HDAC4: variants seen among roughly 807,000 people sequenced by gnomAD.
HDAC4 encodes the protein histone deacetylase A.
A neutral mutation model predicts 135.1 loss-of-function variants in HDAC4; 16 were observed. That is an observed-to-expected ratio of 0.12 (90% CI 0.08 to 0.18). HDAC4 has a LOEUF of 0.18. Ranked by LOEUF, HDAC4 falls within the 10% of genes least tolerant of loss-of-function variation. HDAC4 has a pLI of 1.00. For synonymous variants in HDAC4, 685 were observed against 653.4 expected (o/e 1.05, Z -0.74); for missense variants, 1,143 against 1,511.8 (o/e 0.76, Z 4.05).
chr2:239,178,201 C>T (rs902868340), intron 4 of HDAC4, among the ~76,000 whole-genome samples: 7 of 152,190 alleles, frequency 4.6e-5, no homozygotes, highest in African/African-American at 9.7e-5. Context: ...CCTCTGTGGC[C>T]GCACGTGTCC....
chr2:239,252,175 C>A (rs2048817138), intron 2 of HDAC4, among the ~76,000 whole-genome samples: 1 of 152,178 alleles, frequency 6.6e-6, no homozygotes, highest in Non-Finnish European at 1.5e-5. Context: ...AGGATTCTGG[C>A]CGGGAGTGTG....
chr2:239,162,257 C>T (rs1343212225), intron 6 of HDAC4: 2 of 455,632 alleles, frequency 4.4e-6, no homozygotes, highest in East Asian at 1.4e-4. Flanking sequence ...GGCTGCCTCA[C>T]AGGGGGACCC....
At chr2:239,351,961 C>T (rs916328446) in intron 2 of HDAC4, among the ~76,000 whole-genome samples, 2 of 151,790 alleles carry the variant, frequency 1.3e-5, no homozygotes, top group Non-Finnish European at 2.9e-5. Flanking sequence ...GGCAGGTCGG[C>T]GGCAGGCCTC....
intron 8 of HDAC4, among the ~76,000 whole-genome samples, chr2:239,143,988 G>A (rs971179487): frequency 2.0e-5 from 3 of 152,200 alleles, no homozygotes; most frequent in Non-Finnish European, 2.9e-5. Flanking sequence ...TCTGGATGGG[G>A]ATGTACCCTC....
intron 13 of HDAC4, 108 bp from the exon 14 acceptor site, chr2:239,111,820 T>C (rs868707603): frequency 8.8e-6 from 9 of 1,022,468 alleles, no homozygotes; most frequent in South Asian, 2.8e-5. Context: ...GCACAGGCCA[T>C]ACATGGGCCA....
chr2:239,064,878 G>A (rs190713690), intron 24 of HDAC4, among the ~76,000 whole-genome samples: 22 of 152,324 alleles, frequency 1.4e-4, no homozygotes, highest in Non-Finnish European at 8.8e-5. Flanking sequence ...GGCCCACTGC[G>A]CATGCTGAGG....
At chr2:239,268,195 C>T (rs1418051752) in intron 2 of HDAC4, among the ~76,000 whole-genome samples, 2 of 152,224 alleles carry the variant, frequency 1.3e-5, no homozygotes, top group African/African-American at 4.8e-5. Context: ...AGGAAGTGAA[C>T]TTGGTCCTCA....
chr2:239,347,608 G>T (rs1298806219), intron 2 of HDAC4, among the ~76,000 whole-genome samples: 1 of 152,060 alleles, frequency 6.6e-6, no homozygotes, highest in African/African-American at 2.4e-5. Context: ...CTCACCTCCC[G>T]GATTCAAGCG....
intron 3 of HDAC4, among the ~76,000 whole-genome samples, chr2:239,202,554 G>C (rs2045821099): frequency 6.6e-6 from 1 of 152,016 alleles, no homozygotes; most frequent in Non-Finnish European, 1.5e-5. Context: ...GAGAAGGGCT[G>C]GCATGGGTGT....
intron 2 of HDAC4, among the ~76,000 whole-genome samples, chr2:239,279,260 G>C (rs1397364451): frequency 6.6e-6 from 1 of 152,248 alleles, no homozygotes; most frequent in Non-Finnish European, 1.5e-5. Flanking sequence ...TGCCTGACCA[G>C]GAGATGCTCA....
chr2:239,244,399 C>T (rs1463732077), intron 2 of HDAC4, among the ~76,000 whole-genome samples: 2 of 152,134 alleles, frequency 1.3e-5, no homozygotes, highest in Non-Finnish European at 2.9e-5. Context: ...AGACCTGCAC[C>T]TCCTGGAGGG....
chr2:239,257,435 T>C (rs1222442642), intron 2 of HDAC4, among the ~76,000 whole-genome samples: 1 of 152,082 alleles, frequency 6.6e-6, no homozygotes, highest in Non-Finnish European at 1.5e-5. Flanking sequence ...CCCCTGTTGG[T>C]ATTTGCAGAG....
chr2:239,230,164 A>G (rs1203406366), intron 3 of HDAC4, among the ~76,000 whole-genome samples: 1 of 152,048 alleles, frequency 6.6e-6, no homozygotes, highest in African/African-American at 2.4e-5. Flanking sequence ...GGGGCGTCTA[A>G]GGAGGCCTGT....
At chr2:239,188,850 T>A (rs901538931) in intron 4 of HDAC4, among the ~76,000 whole-genome samples, 1 of 152,234 alleles carries the variant, frequency 6.6e-6, no homozygotes, top group Non-Finnish European at 1.5e-5. Flanking sequence ...ACCTCAGGCC[T>A]CCTGCCTGCG....
intron 22 of HDAC4, among the ~76,000 whole-genome samples, chr2:239,076,646 G>A (rs947600140): frequency 1.3e-5 from 2 of 152,196 alleles, no homozygotes; most frequent in African/African-American, 4.8e-5. Context: ...GCTCAGGGCT[G>A]GCACGCCATG....
chr2:239,085,511 C>T (rs1288032621), intron 19 of HDAC4, among the ~76,000 whole-genome samples: 2 of 152,232 alleles, frequency 1.3e-5, no homozygotes, highest in African/African-American at 2.4e-5. Context: ...AAACACAATT[C>T]GTTTGTCTCC....
intron 1 of HDAC4, among the ~76,000 whole-genome samples, chr2:239,379,212 G>A (rs1279803113): frequency 6.6e-6 from 1 of 152,180 alleles, no homozygotes; most frequent in Non-Finnish European, 1.5e-5. Flanking sequence ...GTCCAGCCAG[G>A]GGGAGTGGGC....
intron 3 of HDAC4, among the ~76,000 whole-genome samples, chr2:239,194,036 G>C (rs2045196139): frequency 6.6e-6 from 1 of 152,218 alleles, no homozygotes; most frequent in Admixed American, 6.5e-5. Context: ...TGTGGGCCAA[G>C]GGCCCCCACC....
At chr2:239,102,019 CGGCCCCGGGTCCACGTTCTGTGCCCTGGA>C (rs2037703072) in intron 16 of HDAC4, among the ~76,000 whole-genome samples, 2 of 147,426 alleles carry the variant, frequency 1.4e-5, no homozygotes, top group Non-Finnish European at 3.0e-5. Flanking sequence ...TGGAAGCCCC[CGGCCCCGGGTCCACGTTCTGTGCCCTGGA>C]AGCCCCCGGC....
Sources: allele counts gnomAD v4.1 joint callset (sites outside exome capture counted in the v4.1 genomes callset), GRCh38; gene constraint gnomAD v4.1.1; transcripts MANE v1.5; gene names NCBI Gene and HGNC (gene_info 2026-07-23, HGNC 2026-07-21).